NANS: variants seen among roughly 807,000 people sequenced by gnomAD.
The protein encoded by NANS is N-acetylneuraminate-9-phosphate synthase.
Under a neutral mutation model 33.3 loss-of-function variants are expected in NANS, and 29 were observed. The ratio of observed to expected loss-of-function variants is 0.87; its 90% CI spans 0.65 to 1.19. The LOEUF is 1.19. Among genes scored for constraint, NANS ranks in the 50% most tolerant of loss-of-function variants. The pLI is 0.00. For missense variants in NANS, 394 were observed against 461.1 expected, an observed-to-expected ratio of 0.85 and a Z score of 1.33; for synonymous variants, 163 against 177.2, an observed-to-expected ratio of 0.92 and a Z score of 0.64.
At chr9:98,077,604 G>A (rs12377681) in intron 3 of NANS, among the ~76,000 whole-genome samples, 4 of 152,140 alleles carry the variant, frequency 2.6e-5, no homozygotes, top group African/African-American at 9.7e-5. Context: ...TGTGGCCCCA[G>A]CTACTCGGGA....
In NANS at chr9:98,068,448, T is replaced by C. The variant is rs536268329; in HGVS notation, c.348+7451T>C. Among the ~76,000 whole-genome samples, 528 of 151,128 alleles carry C rather than the reference T, an allele frequency of 3.5e-3. 2 individuals carry two copies. The highest frequency in any genetic ancestry group is 5.6e-3 in the Non-Finnish European group (378 of 67,730). On this transcript the variant is annotated intron_variant, in intron 2 of 5. Transcript: ENST00000210444. Reference sequence around the variant, plus strand: ...GCCACCTCACCAGCCATTTTTAGCTTTTTTTTTTCCTTTATTTCTCAGTTT... The same window carrying C: ...GCCACCTCACCAGCCATTTTTAGCTCTTTTTTTTCCTTTATTTCTCAGTTT...
At chr9:98,063,593 G>A (rs1829048974) in intron 2 of NANS, among the ~76,000 whole-genome samples, 1 of 151,838 alleles carries the variant, frequency 6.6e-6, no homozygotes, top group Non-Finnish European at 1.5e-5. Flanking sequence ...CCATGCTGGA[G>A]TGCAACGATG....
intron 1 of NANS, 41 bp downstream of exon 1, chr9:98,056,981 G>A: frequency 6.5e-7 from 1 of 1,532,680 alleles, no homozygotes; most frequent in Non-Finnish European, 8.8e-7. Flanking sequence ...CGGGCGCCGG[G>A]AGGGGCGGGG....
chr9:98,074,614 T>C (rs1829499786), intron 2 of NANS: 1 of 152,184 alleles, frequency 6.6e-6, no homozygotes, highest in Non-Finnish European at 1.5e-5. Flanking sequence ...GCCCCTTCCC[T>C]TTCCAGCAGG....
intron 2 of NANS, among the ~76,000 whole-genome samples, chr9:98,072,605 T>G (rs534248371): frequency 6.6e-6 from 1 of 152,212 alleles, no homozygotes; most frequent in Non-Finnish European, 1.5e-5. Context: ...GAGACAGAGT[T>G]TCACCATGTT....
At chr9:98,061,454 G>A (rs1466103376) in intron 2 of NANS, among the ~76,000 whole-genome samples, 1 of 131,628 alleles carries the variant, frequency 7.6e-6, no homozygotes, top group African/African-American at 2.9e-5. Flanking sequence ...TCCAGCCTGG[G>A]CAACAGAACA....
intron 3 of NANS, chr9:98,077,972 C>T (rs751326995): frequency 3.4e-6 from 2 of 581,898 alleles, no homozygotes; most frequent in African/African-American, 1.9e-5. Flanking sequence ...GTTCCTTTTG[C>T]TCAAGAACAC....
chr9:98,073,853 C>T (rs1017019611), intron 2 of NANS, among the ~76,000 whole-genome samples: 3 of 151,992 alleles, frequency 2.0e-5, no homozygotes, highest in Non-Finnish European at 4.4e-5. Context: ...GTGACACGAC[C>T]TCAGCTCAGT....
Position 98,081,316 on chromosome 9 carries a change from C to T in NANS, c.870+234C>T. On this transcript the variant is annotated intron_variant, in intron 5 of 5. Transcript: ENST00000210444. ...CTAACTTTAGCAGTTTCTCTGGCCA[C>T]CTAGGGTCACATTAGAGTCTTCCAC... 4 of 579,514 alleles carry T rather than the reference C, an allele frequency of 6.9e-6. No individual in the cohort carries two copies. In the South Asian group the frequency reaches 8.3e-5, roughly 12 times the overall value. The allele number at this position is 579,514 out of a possible 1,614,324, so 35.9% of individuals were successfully genotyped here. A position where few individuals can be genotyped will look rare whatever the true frequency, so the allele number is the denominator to read the frequency against.
chr9:98,081,106 G>T (rs1391472022), intron 5 of NANS, 24 bp downstream of exon 5: 2 of 1,612,764 alleles, frequency 1.2e-6, no homozygotes, highest in South Asian at 2.2e-5. Flanking sequence ...GACTCTACTC[G>T]GTTCTGCTGC....
chr9:98,077,335 T>C (rs1380283596), intron 3 of NANS, among the ~76,000 whole-genome samples: 1 of 152,136 alleles, frequency 6.6e-6, no homozygotes, highest in Non-Finnish European at 1.5e-5. Flanking sequence ...ATTAAGAATA[T>C]GACAGTTTTT....
chr9:98,064,803 G>A (rs1023889311), intron 2 of NANS, among the ~76,000 whole-genome samples: 7 of 152,148 alleles, frequency 4.6e-5, no homozygotes, highest in African/African-American at 1.4e-4. Flanking sequence ...TTCCCAGAGC[G>A]TAGACTCCCA....
rs397837187 is a variant in NANS, at chr9:98,065,483, A to ATTTTTTTTTTTTTTTT, written c.348+4498_348+4513dup. 5.6e-4 allele frequency among the ~76,000 whole-genome samples: 33 copies of ATTTTTTTTTTTTTTTT among 58,632 alleles called. 1 individual carries two copies. The highest frequency in any genetic ancestry group is 8.5e-4 in the African/African-American group (9 of 10,534). 38.5% of individuals were successfully genotyped at this position (58,632 alleles called of 152,430 possible). On this transcript the variant is annotated intron_variant, in intron 2 of 5. Coordinates refer to ENST00000210444, the MANE Select transcript of NANS (RefSeq NM_018946.4). ...AGGCGTCCACCACCATGCCCAGCTA[A>ATTTTTTTTTTTTTTTT]TTTTTTTTTTTTTTTTTTTTTTTTT...
At chr9:98,061,153 T>A in intron 2 of NANS, 156 bp downstream of exon 2, 1 of 676,010 alleles carries the variant, frequency 1.5e-6, no homozygotes, top group Non-Finnish European at 2.5e-6. Flanking sequence ...CCAGTGAGAA[T>A]CTGTGGGAAG....
chr9:98,082,404 T>G (rs1223678800), intron 5 of NANS, among the ~76,000 whole-genome samples: 1 of 152,226 alleles, frequency 6.6e-6, no homozygotes, highest in African/African-American at 2.4e-5. Context: ...AGTTTCCCCA[T>G]GTTTACAATG....
chr9:98,073,300 T>C (rs113149883), intron 2 of NANS, among the ~76,000 whole-genome samples: 2 of 113,804 alleles, frequency 1.8e-5, no homozygotes, highest in African/African-American at 4.3e-5. Context: ...TTTTTTTTTT[T>C]TTGAGACGGA....
chr9:98,057,037 C>A, intron 1 of NANS, 97 bp downstream of exon 1: 1 of 1,409,384 alleles, frequency 7.1e-7, no homozygotes, highest in South Asian at 1.5e-5. Context: ...CGGCTGGGTA[C>A]CCTGGTCCGG....
intron 2 of NANS, among the ~76,000 whole-genome samples, chr9:98,064,058 A>G (rs1336636482): frequency 6.6e-6 from 1 of 152,158 alleles, no homozygotes; most frequent in Non-Finnish European, 1.5e-5. Context: ...GTGTCGACTG[A>G]GTTGAAAGAA....
intron 2 of NANS, among the ~76,000 whole-genome samples, chr9:98,070,265 A>G (rs4743159): frequency 0.3 from 45,701 of 151,782 alleles, 8,780 homozygotes; most frequent in African/African-American, 0.54. Context: ...CTACAGGTGT[A>G]TGCCACCATG....
Sources: gnomAD v4.1 joint callset for allele counts (sites outside exome capture counted in the v4.1 genomes callset) on GRCh38, gnomAD v4.1.1 for gene constraint, MANE v1.5 for transcripts, NCBI Gene and HGNC (gene_info 2026-07-23, HGNC 2026-07-21) for gene names.